Variants in HAO2 observed in about 807,000 individuals in gnomAD.
HAO2 encodes the protein hydroxyacid oxidase 2, also known as 2-Hydroxyacid oxidase 2.
Under a neutral mutation model 37.4 loss-of-function variants are expected in HAO2, and 42 were observed. The ratio of observed to expected loss-of-function variants is 1.12; its 90% confidence interval spans 0.88 to 1.45. The LOEUF (loss-of-function observed/expected upper bound fraction) is 1.45. Among genes scored for constraint, HAO2 ranks in the 40% most tolerant of loss-of-function variants. The pLI is 0.00. For missense variants in HAO2, 476 were observed against 430.2 expected (o/e 1.11, Z -0.94); for synonymous variants, 180 against 162.8 (o/e 1.11, Z -0.81).
intron 5 of HAO2, among the ~76,000 whole-genome samples, chr1:119,389,817 T>C (rs758882335): frequency 2.0e-5 from 3 of 152,122 alleles, no homozygotes; most frequent in Non-Finnish European, 4.4e-5. Flanking sequence ...TTTATCTTTG[T>C]TTTTACTGTA....
chr1:119,384,667 A>T lies in HAO2; in HGVS notation c.284-109A>T, dbSNP rs915377015. On this transcript the variant is annotated intron_variant, in intron 3 of 7. Transcript: ENST00000325945. ...AGGAAGCAGAATGAAATTAAGCTTT[A>T]TCTGCATTCATGGGGCAAGATGGCC... 48 of 816,822 alleles carry T rather than the reference A, an allele frequency of 5.9e-5. No homozygotes were observed. The African/African-American group carries it at 7.9e-4, about 13-fold the overall frequency. 50.6% of individuals were successfully genotyped at this position (816,822 alleles called of 1,614,324 possible).
Position 119,383,074 on chromosome 1 carries a change from C to A in HAO2, c.283+8C>A, listed in dbSNP as rs369601719. On this transcript the variant is annotated splice_region_variant and intron_variant, in intron 3 of 7. Transcript: ENST00000325945. ...AAATGAGCACAGCAAGAGGTATGAACCATCCCCACCTCGAGGCTCCTTTCC... is the reference window on the plus strand; with the variant it reads ...AAATGAGCACAGCAAGAGGTATGAAACATCCCCACCTCGAGGCTCCTTTCC... The A allele has an allele frequency of 3.4e-5, 54 of 1,605,952 alleles. No individual in the cohort carries two copies. In the African/African-American group the frequency reaches 6.1e-4, roughly 18 times the overall value.
At chr1:119,393,263 T>C (rs977797137) in intron 7 of HAO2, among the ~76,000 whole-genome samples, 1 of 152,142 alleles carries the variant, frequency 6.6e-6, no homozygotes, top group Non-Finnish European at 1.5e-5. Context: ...CTTTTACTTA[T>C]CTGGAGTTAC....
intron 3 of HAO2, 145 bp from the exon 4 acceptor site, chr1:119,384,631 C>T (rs746475691): frequency 1.7e-4 from 116 of 665,820 alleles, no homozygotes; most frequent in Non-Finnish European, 2.8e-4. Flanking sequence ...GCCTTCCATC[C>T]CTTTCTTACA....
rs1305660820 is a variant in HAO2 at position 119,383,001 on chromosome 1, T to G, written c.218T>G (p.Ile73Ser). The G allele has an allele frequency of 6.2e-7, 1 of 1,612,982 alleles. No homozygotes were observed. The highest frequency in any genetic ancestry group is 8.5e-7 in the Non-Finnish European group (1 of 1,179,184). ...TIQGEEISAPICIAPTGFHCL... is the reference protein window; with the variant it reads ...TIQGEEISAPSCIAPTGFHCL... ...CAAGGGGAGGAGATCAGTGCCCCTA[T>G]TTGTATCGCACCCACAGGGTTCCAC... Residue 73 changes from isoleucine (I) to serine (S), a missense_variant, in exon 3 of 8, where the codon ATT (isoleucine) becomes AGT (serine). Coordinates refer to ENST00000325945, the MANE Select transcript of HAO2 (RefSeq NM_016527.4).
At position 119,389,137 on chromosome 1, in the gene HAO2, CATAT is replaced by C. The variant is rs59891150; in HGVS notation, c.771+2334_771+2337del. Among the ~76,000 whole-genome samples, 2 of 3,324 alleles carry C rather than the reference CATAT, an allele frequency of 6.0e-4. 1 individual carries two copies. The highest frequency in any genetic ancestry group is 1.4e-3 in the Non-Finnish European group (2 of 1,458). 2.2% of individuals were successfully genotyped at this position (3,324 alleles called of 152,430 possible). On this transcript the variant is annotated intron_variant, in intron 5 of 7. Coordinates refer to ENST00000325945, the MANE Select transcript of HAO2 (RefSeq NM_016527.4). ...TTCTTATGGCTGAGTAGTATTTCAT[CATAT>C]ATATATATATATATATATATATATA... is the stretch of plus-strand genomic sequence containing the variant.
rs751592279 is a variant in HAO2 at position 119,381,061 on chromosome 1, T to G, written c.-8-17T>G. 10 of 1,611,756 alleles carry G rather than the reference T, an allele frequency of 6.2e-6. No individual in the cohort carries two copies. The highest frequency in any genetic ancestry group is 1.1e-5 in the South Asian group (1 of 90,942). On this transcript the variant is annotated splice_polypyrimidine_tract_variant and intron_variant, in intron 1 of 7. Transcript: ENST00000325945. ...GTTCTCACTGGGTTTGGTTTGGTTT[T>G]GTTTTCTCCTTGGAAGGTCCAGAAA... is the stretch of plus-strand genomic sequence containing the variant.
intron 1 of HAO2, among the ~76,000 whole-genome samples, chr1:119,369,422 T>C (rs1484676665): frequency 6.6e-6 from 1 of 152,272 alleles, no homozygotes; most frequent in East Asian, 1.9e-4. Context: ...GAGCCTCTGA[T>C]TGTGTTAAGT....
Position 119,381,145 on chromosome 1 carries a change from A to C in HAO2, c.60A>C (p.Ser20=), listed in dbSNP as rs758832028. ...ATGCGCGAGAGCAGCTGTCTAAGTC[A>C]ACTCGGGATTTTATTGAAGGTGGAG... is the stretch of plus-strand genomic sequence containing the variant. The part of the protein sequence containing the change: ...QAHAREQLSK[S]TRDFIEGGAD... The change falls in exon 2 of 8, where the codon TCA becomes TCC. Residue 20 remains serine (S), a synonymous_variant. Coordinates refer to ENST00000325945, the MANE Select transcript of HAO2 (RefSeq NM_016527.4). 9 of 1,610,400 alleles carry C rather than the reference A, an allele frequency of 5.6e-6. No individual in the cohort carries two copies. The highest frequency in any genetic ancestry group is 3.3e-5 in the Admixed American group (2 of 59,992).
rs147188795 is a variant in HAO2, at chr1:119,393,953, G to A, written c.*113G>A. 493 of 1,568,820 alleles carry A rather than the reference G, an allele frequency of 3.1e-4. 1 individual carries two copies. In the African/African-American group the frequency reaches 6.3e-3, roughly 20 times the overall value. ...ACCCCATTCTGTCCGGAGGCTCATG[G>A]CCCATATTTCCCACATTTCTAATAC... On this transcript the variant is annotated 3_prime_UTR_variant, in exon 8 of 8. Transcript: ENST00000325945.
intron 1 of HAO2, among the ~76,000 whole-genome samples, chr1:119,371,316 A>T (rs1226015344): frequency 6.6e-6 from 1 of 152,202 alleles, no homozygotes; most frequent in Non-Finnish European, 1.5e-5. Context: ...ACACTCTCTG[A>T]TTGCCCACTG....
chr1:119,392,094 T>C lies in HAO2; in HGVS notation c.772-16T>C, dbSNP rs1241474543. On this transcript the variant is annotated splice_polypyrimidine_tract_variant and intron_variant, in intron 5 of 7. Transcript: ENST00000325945. ...AAAATAGAAAGCCCTCCAGCCCATG[T>C]GTATCTCCTTTTCAGATTGATGCTT... 1 of 1,607,060 alleles carries C rather than the reference T, an allele frequency of 6.2e-7. No homozygotes were observed.
chr1:119,379,855 T>G (rs1296452170), intron 1 of HAO2, among the ~76,000 whole-genome samples: 1 of 152,138 alleles, frequency 6.6e-6, no homozygotes, highest in Non-Finnish European at 1.5e-5. Flanking sequence ...TGGCTTGACT[T>G]GAGGTATCCT....
intron 4 of HAO2, chr1:119,385,408 A>T: frequency 1.1e-6 from 1 of 942,448 alleles, no homozygotes; most frequent in Non-Finnish European, 1.3e-6. Context: ...ACTTTATGAC[A>T]CACTCAGAAA....
chr1:119,377,671 T>C (rs976467577), intron 1 of HAO2, among the ~76,000 whole-genome samples: 5 of 152,150 alleles, frequency 3.3e-5, no homozygotes, highest in African/African-American at 9.7e-5. Context: ...TTCCACATGG[T>C]TGGGGAGGCC....
chr1:119,384,714 G>C (rs1249646085), intron 3 of HAO2, 62 bp from the exon 4 acceptor site: 20 of 1,425,176 alleles, frequency 1.4e-5, no homozygotes, highest in South Asian at 1.3e-5. Flanking sequence ...AGACTCCCAA[G>C]GTTTTCAGCC....
At chr1:119,384,256 A>G (rs990867432) in intron 3 of HAO2, among the ~76,000 whole-genome samples, 1 of 152,192 alleles carries the variant, frequency 6.6e-6, no homozygotes, top group Non-Finnish European at 1.5e-5. Context: ...TCCTAAAGAC[A>G]TGTATTATTA....
Position 119,391,799 on chromosome 1 carries a change from G to A in HAO2, c.772-311G>A, listed in dbSNP as rs587745600. Among the ~76,000 whole-genome samples, 3 of 152,266 alleles carry A rather than the reference G, an allele frequency of 2.0e-5. No individual in the cohort carries two copies. In the South Asian group the frequency reaches 6.2e-4, roughly 32 times the overall value. ...CAAAATGTTTGAAAAGAAGAAAGTT[G>A]AAGTAAACATTATAAGTGGAAAATG... On this transcript the variant is annotated intron_variant, in intron 5 of 7. Transcript: ENST00000325945.
chr1:119,379,821 A>C (rs1649775268), intron 1 of HAO2, among the ~76,000 whole-genome samples: 1 of 152,032 alleles, frequency 6.6e-6, no homozygotes, highest in African/African-American at 2.4e-5. Context: ...GTTTGACTTC[A>C]ACAGAATCTG....
Sources: allele counts gnomAD v4.1 joint callset (sites outside exome capture counted in the v4.1 genomes callset), GRCh38; gene constraint gnomAD v4.1.1; transcripts MANE v1.5; gene names NCBI Gene and HGNC (gene_info 2026-07-23, HGNC 2026-07-21).